Variants in SLC44A3 observed in about 807,000 individuals in gnomAD.
SLC44A3 encodes choline transporter-like protein 3.
In SLC44A3, 74 loss-of-function variants were observed where a neutral mutation model predicts 75.4. That is an observed-to-expected ratio of 0.98 (90% confidence interval 0.81 to 1.19). The LOEUF (loss-of-function observed/expected upper bound fraction) is 1.19. SLC44A3 is among the 50% of genes most tolerant of loss of function. SLC44A3 has a pLI of 0.00. For missense variants in SLC44A3, 700 were observed against 778.6 expected, an observed-to-expected ratio of 0.90 and a Z score of 1.20; for synonymous variants, 310 against 296.9, an observed-to-expected ratio of 1.04 and a Z score of -0.45.
intron 5 of SLC44A3, among the ~76,000 whole-genome samples, chr1:94,831,012 C>G (rs1219815954): frequency 1.3e-5 from 2 of 152,262 alleles, no homozygotes; most frequent in East Asian, 3.9e-4. Context: ...ATACATCCAG[C>G]AAATGGAAAA....
At chr1:94,840,446 C>T (rs916955683) in intron 7 of SLC44A3, among the ~76,000 whole-genome samples, 8 of 152,108 alleles carry the variant, frequency 5.3e-5, no homozygotes, top group Middle Eastern at 3.4e-3. Flanking sequence ...CATGCCACTA[C>T]ACCCAGCTAA....
At chr1:94,850,624 C>T (rs1018008651) in intron 9 of SLC44A3, among the ~76,000 whole-genome samples, 4 of 152,176 alleles carry the variant, frequency 2.6e-5, no homozygotes, top group Non-Finnish European at 5.9e-5. Flanking sequence ...GACCTGGAAC[C>T]CAGGCTGGCT....
chr1:94,848,949 G>T (rs1165534252), intron 9 of SLC44A3, among the ~76,000 whole-genome samples: 1 of 152,108 alleles, frequency 6.6e-6, no homozygotes, highest in East Asian at 1.9e-4. Context: ...GGCAGCACAA[G>T]GAGAGGACCT....
intron 10 of SLC44A3, among the ~76,000 whole-genome samples, chr1:94,862,694 C>T (rs973321219): frequency 6.6e-6 from 1 of 152,120 alleles, no homozygotes; most frequent in Non-Finnish European, 1.5e-5. Context: ...ATTGCCACTA[C>T]CCACAGAATT....
chr1:94,850,337 C>T (rs555147260), intron 9 of SLC44A3, among the ~76,000 whole-genome samples: 3 of 152,164 alleles, frequency 2.0e-5, no homozygotes, highest in South Asian at 2.1e-4. Flanking sequence ...ACTGTGGTAA[C>T]CTTGGTAATC....
intron 9 of SLC44A3, among the ~76,000 whole-genome samples, chr1:94,856,370 C>T (rs1665876130): frequency 6.6e-6 from 1 of 152,062 alleles, no homozygotes; most frequent in East Asian, 1.9e-4. Flanking sequence ...ATAACTTGTC[C>T]AGGGTTACCC....
intron 3 of SLC44A3, among the ~76,000 whole-genome samples, chr1:94,825,636 A>T (rs1207113378): frequency 6.6e-6 from 1 of 152,146 alleles, no homozygotes; most frequent in Non-Finnish European, 1.5e-5. Flanking sequence ...CCAAAAACGG[A>T]TTTTTAGGAC....
intron 9 of SLC44A3, among the ~76,000 whole-genome samples, chr1:94,846,853 C>T (rs1465058372): frequency 3.3e-5 from 5 of 152,240 alleles, no homozygotes; most frequent in African/African-American, 1.2e-4. Context: ...TGGCTCCAGT[C>T]ATATAAGTAA....
chr1:94,894,752 T>TCGGCCCCTA, intron 14 of SLC44A3, 66 bp from the exon 15 acceptor site: 4 of 1,364,578 alleles, frequency 2.9e-6, no homozygotes, highest in Non-Finnish European at 4.1e-6. Flanking sequence ...AAGTTTTCCC[T>TCGGCCCCTA]CGGCCCCTAC....
chr1:94,825,270 A>G (rs1347451638), intron 3 of SLC44A3, among the ~76,000 whole-genome samples: 1 of 152,264 alleles, frequency 6.6e-6, no homozygotes, highest in Non-Finnish European at 1.5e-5. Flanking sequence ...ACTGCCTTGT[A>G]AGAATTTTTA....
At chr1:94,821,991 G>A (rs1660662731) in intron 2 of SLC44A3, among the ~76,000 whole-genome samples, 1 of 152,180 alleles carries the variant, frequency 6.6e-6, no homozygotes, top group African/African-American at 2.4e-5. Context: ...TGTTGCTTAC[G>A]TTGGAACTCT....
intron 12 of SLC44A3, among the ~76,000 whole-genome samples, chr1:94,882,439 G>A (rs1231277157): frequency 2.0e-5 from 3 of 152,166 alleles, no homozygotes; most frequent in Non-Finnish European, 4.4e-5. Flanking sequence ...CCCGTCCTCC[G>A]TGTTTCCCAT....
At chr1:94,853,913 G>T (rs954629492) in intron 9 of SLC44A3, among the ~76,000 whole-genome samples, 11 of 150,170 alleles carry the variant, frequency 7.3e-5, no homozygotes, top group Non-Finnish European at 1.2e-4. Context: ...CTGAGGTCCA[G>T]CATAATACCA....
Position 94,867,995 on chromosome 1 carries a change from G to C in SLC44A3, c.1482+578G>C, listed in dbSNP as rs115384415. On this transcript the variant is annotated intron_variant, in intron 12 of 14. Transcript: ENST00000271227. ...TAAGAACTATAATTTTCCTGAACTAGGAAAAGAATTGCCTCCCTAATTTTC... is the reference window on the plus strand; with the variant it reads ...TAAGAACTATAATTTTCCTGAACTACGAAAAGAATTGCCTCCCTAATTTTC... Among the ~76,000 whole-genome samples the C allele has an allele frequency of 8.7e-3, 1,329 of 152,216 alleles. 10 individuals carry two copies. Among genetic ancestry groups the C allele is most frequent in the Non-Finnish European group, 0.014 (964 of 68,010 alleles).
chr1:94,834,626 A>G (rs1290795746), intron 5 of SLC44A3, among the ~76,000 whole-genome samples: 1 of 151,984 alleles, frequency 6.6e-6, no homozygotes, highest in Non-Finnish European at 1.5e-5. Context: ...CTGGGATTAC[A>G]GGCACCCACC....
intron 6 of SLC44A3, among the ~76,000 whole-genome samples, chr1:94,838,707 T>C (rs1663149561): frequency 6.6e-6 from 1 of 152,252 alleles, no homozygotes; most frequent in South Asian, 2.1e-4. Flanking sequence ...GTCACTATTA[T>C]GACTTTCAGA....
At chr1:94,829,195 A>G (rs1661778562) in intron 5 of SLC44A3, among the ~76,000 whole-genome samples, 1 of 152,182 alleles carries the variant, frequency 6.6e-6, no homozygotes, top group Non-Finnish European at 1.5e-5. Flanking sequence ...AGGCAGAAGA[A>G]TCACTTGAAC....
At chr1:94,848,993 T>G (rs1664827767) in intron 9 of SLC44A3, among the ~76,000 whole-genome samples, 2 of 151,942 alleles carry the variant, frequency 1.3e-5, no homozygotes, top group African/African-American at 4.8e-5. Context: ...CCCAGGCCAG[T>G]GAAGTCAGAA....
intron 3 of SLC44A3, among the ~76,000 whole-genome samples, chr1:94,826,365 A>C (rs1056955725): frequency 2.6e-5 from 4 of 152,174 alleles, no homozygotes; most frequent in Non-Finnish European, 4.4e-5. Context: ...AGAAAGATTC[A>C]GATGGGGCTG....
Sources: gnomAD v4.1 joint callset for allele counts (sites outside exome capture counted in the v4.1 genomes callset) on GRCh38, gnomAD v4.1.1 for gene constraint, MANE v1.5 for transcripts, NCBI Gene and HGNC (gene_info 2026-07-23, HGNC 2026-07-21) for gene names.